The following FANCB variants were observed in gnomAD, a reference collection of about 807,000 sequenced individuals.
FANCB encodes Fanconi anemia group B protein.
FANCB carries 5 observed loss-of-function variants against 38.9 expected under a neutral mutation model. The observed-to-expected ratio is 0.13, with a 90% CI of 0.07 to 0.27. The LOEUF (loss-of-function observed/expected upper bound fraction) is 0.27. FANCB is among the 10% of genes least tolerant of loss of function. The pLI is 1.00. For synonymous variants in FANCB, 236 were observed against 215.4 expected (o/e 1.10, Z -0.84); for missense variants, 573 against 602.7 (o/e 0.95, Z 0.52).
the FANCB span, among the ~76,000 whole-genome samples, chrX:14,758,029 T>A: frequency 9.0e-6 from 1 of 111,613 alleles, no homozygotes; most frequent in Non-Finnish European, 1.9e-5. Context: ...CACGGTGGAA[T>A]TGAGACCAGC....
At chrX:14,752,882 T>G in the FANCB span, among the ~76,000 whole-genome samples, 1 of 109,555 alleles carries the variant, frequency 9.1e-6, no homozygotes, top group South Asian at 3.9e-4. Context: ...TTACCCAGAC[T>G]GCTCAATTTT....
chrX:14,715,750 T>C, the FANCB span, among the ~76,000 whole-genome samples: 1 of 111,618 alleles, frequency 9.0e-6, no homozygotes, highest in Admixed American at 9.5e-5. Flanking sequence ...TGTAATCCTA[T>C]GAGAGAAGTA....
At chrX:14,708,559 G>A in the FANCB span, among the ~76,000 whole-genome samples, 60 of 111,844 alleles carry the variant, frequency 5.4e-4, no homozygotes, top group Non-Finnish European at 6.4e-4. Flanking sequence ...TCATCACTCC[G>A]TGACCTGCCT....
chrX:14,781,477 AT>A, the FANCB span, among the ~76,000 whole-genome samples: 12 of 111,831 alleles, frequency 1.1e-4, no homozygotes, highest in Non-Finnish European at 1.7e-4. Context: ...TTTAAAAAAA[AT>A]AAAAGATGAA....
chrX:14,730,889 T>TACAC, the FANCB span: 7 of 129,234 alleles, frequency 5.4e-5, no homozygotes, highest in African/African-American at 3.3e-4. Context: ...AAAAGTTAGC[T>TACAC]ATACACACAC....
At chrX:14,813,394 C>T in the FANCB span, among the ~76,000 whole-genome samples, 2 of 110,940 alleles carry the variant, frequency 1.8e-5, no homozygotes, top group Non-Finnish European at 3.8e-5. Context: ...TTGCAGATGA[C>T]ATGATTGTAT....
chrX:14,745,658 T>C, the FANCB span, among the ~76,000 whole-genome samples: 1 of 104,774 alleles, frequency 9.5e-6, no homozygotes, highest in African/African-American at 3.5e-5. Context: ...TGAATACAAG[T>C]CTTGAGACTG....
the FANCB span, among the ~76,000 whole-genome samples, chrX:14,711,795 A>G: frequency 1.3e-4 from 15 of 112,621 alleles, no homozygotes; most frequent in Non-Finnish European, 2.8e-4. Context: ...ATTTGAAACC[A>G]GAGTTTTCGC....
At chrX:14,756,283 C>T in the FANCB span, among the ~76,000 whole-genome samples, 1 of 111,659 alleles carries the variant, frequency 9.0e-6, no homozygotes, top group South Asian at 3.7e-4. Context: ...TTGGATAAGA[C>T]CTGATAAGCA....
the FANCB span, among the ~76,000 whole-genome samples, chrX:14,768,907 T>C: frequency 8.0e-5 from 9 of 112,067 alleles, no homozygotes; most frequent in African/African-American, 2.9e-4. Context: ...TCTGCATCTA[T>C]TGAGATAGTC....
At chrX:14,778,440 C>T in the FANCB span, among the ~76,000 whole-genome samples, 9 of 111,983 alleles carry the variant, frequency 8.0e-5, no homozygotes, top group African/African-American at 2.6e-4. Flanking sequence ...CCTAACCCAA[C>T]TGAGACATCA....
At chrX:14,792,513 T>C in the FANCB span, among the ~76,000 whole-genome samples, 1 of 111,209 alleles carries the variant, frequency 9.0e-6, no homozygotes, top group African/African-American at 3.3e-5. Flanking sequence ...AAAAAATCAA[T>C]ATATTCAATT....
chrX:14,765,058 T>C, the FANCB span, among the ~76,000 whole-genome samples: 1 of 112,078 alleles, frequency 8.9e-6, no homozygotes, highest in Non-Finnish European at 1.9e-5. Flanking sequence ...GCATGGGACA[T>C]ACTTATATTA....
At chrX:14,806,399 TA>T in the FANCB span, among the ~76,000 whole-genome samples, 1 of 112,053 alleles carries the variant, frequency 8.9e-6, no homozygotes, top group Non-Finnish European at 1.9e-5. Context: ...AAACCTTCTA[TA>T]AAAATCTGTT....
intron 5 of FANCB, among the ~76,000 whole-genome samples, chrX:14,857,240 A>G (rs953745625): frequency 8.9e-6 from 1 of 112,550 alleles, no homozygotes; most frequent in Non-Finnish European, 1.9e-5. Context: ...GGCAGCTTAC[A>G]AAAGAACATA....
At chrX:14,788,389 C>T in the FANCB span, among the ~76,000 whole-genome samples, 1 of 111,462 alleles carries the variant, frequency 9.0e-6, no homozygotes, top group Non-Finnish European at 1.9e-5. Flanking sequence ...GTCATGGTAT[C>T]TCTGAGGGAT....
chrX:14,743,468 C>T, the FANCB span, among the ~76,000 whole-genome samples: 2 of 111,314 alleles, frequency 1.8e-5, no homozygotes, highest in Middle Eastern at 4.6e-3. Context: ...CATCATATTG[C>T]TTCAATGAAA....
intron 2 of FANCB, among the ~76,000 whole-genome samples, chrX:14,868,073 C>A (rs2092478302): frequency 9.0e-6 from 1 of 111,081 alleles, no homozygotes; most frequent in African/African-American, 3.3e-5. Flanking sequence ...GGTTGGCAAG[C>A]ACGTGGAGAA....
At chrX:14,776,446 G>A in the FANCB span, among the ~76,000 whole-genome samples, 3 of 111,543 alleles carry the variant, frequency 2.7e-5, no homozygotes, top group African/African-American at 6.5e-5. Context: ...ATTTGTGCCC[G>A]AACCTCTCTG....
Sources: gnomAD v4.1 joint callset for allele counts (sites outside exome capture counted in the v4.1 genomes callset) on GRCh38, gnomAD v4.1.1 for gene constraint, MANE v1.5 for transcripts, NCBI Gene and HGNC (gene_info 2026-07-23, HGNC 2026-07-21) for gene names.